TUSC3: variants seen among roughly 807,000 people sequenced by gnomAD.
The protein encoded by TUSC3 is tumor suppressor candidate 3, also known as dolichyl-diphosphooligosaccharide--protein glycosyltransferase subunit TUSC3.
A neutral mutation model predicts 44.8 loss-of-function variants in TUSC3; 45 were observed. The ratio of observed to expected loss-of-function variants is 1.00; its 90% CI spans 0.79 to 1.29. TUSC3 has a LOEUF of 1.29. Ranked by LOEUF, TUSC3 falls within the 50% of genes most tolerant of loss-of-function variation. The pLI, the probability that TUSC3 is intolerant of heterozygous loss-of-function variation, is 0.00. For synonymous variants in TUSC3, 212 were observed against 152.9 expected (o/e 1.39, Z -2.85); for missense variants, 519 against 437.9 (o/e 1.19, Z -1.65).
Position 15,518,780 on chromosome 8 carries a change from GCTAATAATCC to G in TUSC3, n.189+35300_189+35309del, listed in dbSNP as rs368620067. On this transcript the variant is annotated intron_variant and non_coding_transcript_variant, in intron 2 of 5. Transcript: ENST00000503191. ...TAAAGGAGCATTTAAAGTTAGCAAT[GCTAATAATCC>G]CTCTTGTTTTTATAGAATTAAACAC... is the stretch of plus-strand genomic sequence containing the variant. 2.9e-3 allele frequency among the ~76,000 whole-genome samples: 446 copies of G among 152,200 alleles called. 2 individuals carry two copies. Among genetic ancestry groups the G allele is most frequent in the African/African-American group, 0.01 (434 of 41,550 alleles).
intron 3 of TUSC3, among the ~76,000 whole-genome samples, chr8:15,654,931 G>T (rs1807087015): frequency 6.6e-6 from 1 of 152,288 alleles, no homozygotes; most frequent in South Asian, 2.1e-4. Flanking sequence ...CTTCATTGCT[G>T]TGTGACCTTT....
At chr8:15,708,875 C>T (rs1217911051) in intron 6 of TUSC3, among the ~76,000 whole-genome samples, 1 of 151,804 alleles carries the variant, frequency 6.6e-6, no homozygotes, top group Non-Finnish European at 1.5e-5. Flanking sequence ...ATCAGAATTT[C>T]AGATTAGGAA....
chr8:15,816,655 G>C, the TUSC3 span, among the ~76,000 whole-genome samples: 1 of 152,110 alleles, frequency 6.6e-6, no homozygotes, highest in South Asian at 2.1e-4. Context: ...TTAGGGCAAG[G>C]TTTTTAACTA....
chr8:15,798,760 T>G, the TUSC3 span, among the ~76,000 whole-genome samples: 5 of 152,268 alleles, frequency 3.3e-5, no homozygotes, highest in African/African-American at 1.2e-4. Flanking sequence ...AAGGCTTGAC[T>G]GGCTCTTACA....
intron 7 of TUSC3, among the ~76,000 whole-genome samples, chr8:15,743,278 G>T (rs7826947): frequency 7.6e-4 from 115 of 152,198 alleles, no homozygotes; most frequent in African/African-American, 2.2e-3. Flanking sequence ...TATATGTGCT[G>T]TGAAAATCCT....
At chr8:15,763,089 A>G (rs1246177060) in intron 10 of TUSC3, among the ~76,000 whole-genome samples, 1 of 151,896 alleles carries the variant, frequency 6.6e-6, no homozygotes, top group African/African-American at 2.4e-5. Flanking sequence ...CTTTATTTAC[A>G]TTTTAATTGA....
chr8:15,785,549 G>A, the TUSC3 span, among the ~76,000 whole-genome samples: 526 of 151,746 alleles, frequency 3.5e-3, 19 homozygotes, highest in East Asian at 0.067. Flanking sequence ...CTCAGGACAG[G>A]GGGGAGTTGG....
rs1219146134 is a variant in TUSC3 at position 15,764,302 on chromosome 8, T to G, written c.*146T>G. 2.1e-6 allele frequency: 3 copies of G among 1,405,536 alleles called. No individual in the cohort carries two copies. The highest frequency in any genetic ancestry group is 1.4e-5 in the African/African-American group (1 of 70,310). The allele number at this position is 1,405,536 out of a possible 1,614,324, so 87.1% of individuals were successfully genotyped here. Reference sequence around the variant, plus strand: ...TTATACTATTTTGAATTCATTCATTTCATTGTGATCAGCTAGCTTATTCTT... The same window carrying G: ...TTATACTATTTTGAATTCATTCATTGCATTGTGATCAGCTAGCTTATTCTT... On this transcript the variant is annotated 3_prime_UTR_variant, in exon 11 of 11. Coordinates refer to ENST00000503731, the MANE Select transcript of TUSC3 (RefSeq NM_006765.4).
intron 3 of TUSC3, 90 bp downstream of exon 3, chr8:15,650,904 C>G: frequency 1.5e-6 from 2 of 1,361,766 alleles, no homozygotes; most frequent in Non-Finnish European, 2.1e-6. Flanking sequence ...ATTCATTCAT[C>G]GTCTGAACCT....
At chr8:15,785,232 G>A in the TUSC3 span, among the ~76,000 whole-genome samples, 1 of 151,938 alleles carries the variant, frequency 6.6e-6, no homozygotes, top group Non-Finnish European at 1.5e-5. Flanking sequence ...ATTTTAAAAA[G>A]AAGATCTGTT....
At chr8:15,683,727 C>G (rs1808513892) in intron 6 of TUSC3, among the ~76,000 whole-genome samples, 1 of 152,128 alleles carries the variant, frequency 6.6e-6, no homozygotes. Context: ...AATTCTTGTA[C>G]TTCCTGCACT....
At chr8:15,545,986 A>G (rs1261025397) in intron 1 of TUSC3, among the ~76,000 whole-genome samples, 2 of 151,810 alleles carry the variant, frequency 1.3e-5, no homozygotes, top group Non-Finnish European at 2.9e-5. Context: ...CTGGAGTATC[A>G]TGCTAATCCT....
chr8:15,817,871 G>A, the TUSC3 span, among the ~76,000 whole-genome samples: 1 of 152,148 alleles, frequency 6.6e-6, no homozygotes, highest in Non-Finnish European at 1.5e-5. Context: ...ACCTTTGAGT[G>A]CTAAAGTGAA....
the TUSC3 span, among the ~76,000 whole-genome samples, chr8:15,792,940 C>T: frequency 6.6e-6 from 1 of 151,886 alleles, no homozygotes; most frequent in South Asian, 2.1e-4. Flanking sequence ...CTGCAAAGCC[C>T]CAATATCTCC....
intron 2 of TUSC3, among the ~76,000 whole-genome samples, chr8:15,521,471 T>G (rs889243625): frequency 1.2e-4 from 19 of 152,266 alleles, no homozygotes; most frequent in African/African-American, 4.6e-4. Flanking sequence ...AATAGCAGTT[T>G]CATTCAGTTG....
At chr8:15,715,382 A>G (rs190481139) in intron 6 of TUSC3, among the ~76,000 whole-genome samples, 34 of 152,218 alleles carry the variant, frequency 2.2e-4, no homozygotes, top group Non-Finnish European at 3.7e-4. Context: ...TTATTGTACT[A>G]TACCCACTCT....
the TUSC3 span, among the ~76,000 whole-genome samples, chr8:15,815,441 A>G: frequency 6.6e-6 from 1 of 152,126 alleles, no homozygotes; most frequent in Admixed American, 6.6e-5. Flanking sequence ...TAAGAAGTAG[A>G]TGTGCTTTCA....
chr8:15,622,321 A>G (rs1393700394), intron 1 of TUSC3, among the ~76,000 whole-genome samples: 1 of 151,462 alleles, frequency 6.6e-6, no homozygotes, highest in Non-Finnish European at 1.5e-5. Context: ...TTTTAGAGAC[A>G]GTGTCTTACT....
At chr8:15,753,466 T>C (rs890469514) in intron 9 of TUSC3, among the ~76,000 whole-genome samples, 6 of 152,124 alleles carry the variant, frequency 3.9e-5, no homozygotes, top group Non-Finnish European at 7.4e-5. Flanking sequence ...TCATGACATT[T>C]ACAGTATCCT....
Sources: allele counts gnomAD v4.1 joint callset (sites outside exome capture counted in the v4.1 genomes callset), GRCh38; gene constraint gnomAD v4.1.1; transcripts MANE v1.5; gene names NCBI Gene and HGNC (gene_info 2026-07-23, HGNC 2026-07-21).